The following ACSL4 variants were observed in gnomAD, a reference collection of about 807,000 sequenced individuals.
The protein encoded by ACSL4 is acyl-CoA synthetase long chain family member 4, also known as long-chain-fatty-acid--CoA ligase 4.
ACSL4 carries 9 observed loss-of-function variants against 49.1 expected under a neutral mutation model. That is an observed-to-expected ratio of 0.18 (90% confidence interval 0.11 to 0.32). The LOEUF (loss-of-function observed/expected upper bound fraction) is 0.32, where lower values mean the gene tolerates loss of function less well. ACSL4 is among the 10% of genes least tolerant of loss of function. ACSL4 has a pLI of 1.00. For synonymous variants in ACSL4, 191 were observed against 170.3 expected (o/e 1.12, Z -0.95); for missense variants, 333 against 493.7 (o/e 0.67, Z 3.08).
chrX:109,696,407 T>C (rs1019253279), intron 1 of ACSL4, among the ~76,000 whole-genome samples: 1 of 112,247 alleles, frequency 8.9e-6, no homozygotes, highest in Admixed American at 9.4e-5. Context: ...TAAGTGACAG[T>C]AGTTGAAACT....
intron 15 of ACSL4, among the ~76,000 whole-genome samples, chrX:109,645,011 G>T (rs1292445753): frequency 8.9e-6 from 1 of 112,789 alleles, no homozygotes; most frequent in Non-Finnish European, 1.9e-5. Flanking sequence ...CACCTGGCTC[G>T]GAGGGTCCTA....
intron 1 of ACSL4, among the ~76,000 whole-genome samples, chrX:109,703,457 T>C (rs747201481): frequency 3.6e-5 from 4 of 111,604 alleles, no homozygotes; most frequent in Non-Finnish European, 7.5e-5. Context: ...GTCTAAAATT[T>C]ATTTTTTTTA....
At chrX:109,694,928 T>G (rs1354304752) in intron 2 of ACSL4, among the ~76,000 whole-genome samples, 1 of 111,888 alleles carries the variant, frequency 8.9e-6, no homozygotes, top group Admixed American at 9.4e-5. Flanking sequence ...ACTTAAAAAT[T>G]TATGAAGATC....
chrX:109,677,013 G>A (rs1335070546), intron 8 of ACSL4, among the ~76,000 whole-genome samples: 2 of 109,222 alleles, frequency 1.8e-5, no homozygotes, highest in Non-Finnish European at 3.8e-5. Context: ...AGGCTGGAGT[G>A]CAGTGGCGCG....
rs1361663448 is a variant in ACSL4 at position 109,730,353 on chromosome X, C to T, written c.-66+2786G>A. On this transcript the variant is annotated intron_variant, in intron 1 of 15. Coordinates refer to ENST00000672401, the MANE Select transcript of ACSL4 (RefSeq NM_001318510.2). ...GCTTTTATTTTTGCTAAAGGCTCAGCAATTGAAAGGATGGAGAAAAAGGTA... is the reference window on the plus strand; with the variant it reads ...GCTTTTATTTTTGCTAAAGGCTCAGTAATTGAAAGGATGGAGAAAAAGGTA... Among the ~76,000 whole-genome samples the T allele has an allele frequency of 6.2e-5, 7 of 112,121 alleles. No homozygotes were observed. The East Asian group carries it at 2.0e-3, about 31-fold the overall frequency.
intron 9 of ACSL4, among the ~76,000 whole-genome samples, chrX:109,674,022 G>A (rs1270551221): frequency 9.0e-6 from 1 of 111,423 alleles, no homozygotes; most frequent in Non-Finnish European, 1.9e-5. Flanking sequence ...CCTTGTATAC[G>A]ATTCTTCAGC....
intron 15 of ACSL4, among the ~76,000 whole-genome samples, chrX:109,650,331 G>A (rs1380061004): frequency 1.8e-5 from 2 of 109,796 alleles, no homozygotes; most frequent in Non-Finnish European, 3.8e-5. Context: ...TATACACCAG[G>A]GAATACTATG....
intron 15 of ACSL4, among the ~76,000 whole-genome samples, chrX:109,654,255 AT>A (rs1413605057): frequency 9.0e-6 from 1 of 110,968 alleles, no homozygotes; most frequent in African/African-American, 3.3e-5. Flanking sequence ...TTAAGTATAT[AT>A]ACCAAAATGT....
chrX:109,646,997 A>C (rs1041959976), intron 15 of ACSL4, among the ~76,000 whole-genome samples: 8 of 112,026 alleles, frequency 7.1e-5, no homozygotes, highest in South Asian at 3.8e-4. Flanking sequence ...TATGCACCTA[A>C]TACAGGAGCA....
At chrX:109,646,694 A>G (rs1355105747) in intron 15 of ACSL4, among the ~76,000 whole-genome samples, 3 of 110,825 alleles carry the variant, frequency 2.7e-5, no homozygotes, top group Admixed American at 9.6e-5. Flanking sequence ...ATGTAAATGG[A>G]CTAAATGCTC....
intron 1 of ACSL4, among the ~76,000 whole-genome samples, chrX:109,718,428 T>C (rs1927286604): frequency 8.9e-6 from 1 of 112,353 alleles, no homozygotes; most frequent in Non-Finnish European, 1.9e-5. Flanking sequence ...AATGAAACAC[T>C]GCAGACTTTT....
intron 10 of ACSL4, 152 bp from the exon 11 acceptor site, chrX:109,668,425 A>C: frequency 2.3e-6 from 1 of 426,256 alleles, no homozygotes. Context: ...GGCAACAACT[A>C]GTAACGCCTT....
At position 109,678,345 on chromosome X, in the gene ACSL4, G is replaced by A. The variant is rs1923898763; in HGVS notation, c.726C>T (p.Gly242=). The part of the protein sequence containing the change: ...AIVMYTSGST[G]RPKGVMMHHS... ...GATGCATCATCACTCCCTTAGGTCG[G>A]CCAGTAGAACCACTAGTATACATAA... is the stretch of plus-strand genomic sequence containing the variant. The change falls in exon 7 of 16, where the codon GGC becomes GGT. Residue 242 remains glycine (G), a synonymous_variant. Transcript: ENST00000672401. The A allele has an allele frequency of 1.7e-6, 2 of 1,209,883 alleles. No homozygotes were observed. The highest frequency in any genetic ancestry group is 1.7e-5 in the African/African-American group (1 of 57,152).
At chrX:109,673,716 G>A (rs1923455550) in intron 9 of ACSL4, among the ~76,000 whole-genome samples, 1 of 111,591 alleles carries the variant, frequency 9.0e-6, no homozygotes, top group South Asian at 3.7e-4. Context: ...AAAGATATTG[G>A]GGTAAGATTT....
chrX:109,668,896 TAA>T (rs1922915771), intron 10 of ACSL4, 136 bp downstream of exon 10: 2 of 492,660 alleles, frequency 4.1e-6, no homozygotes, highest in Non-Finnish European at 6.5e-6. Flanking sequence ...AGACTTAGAA[TAA>T]AAGAGAATTT....
intron 15 of ACSL4, among the ~76,000 whole-genome samples, chrX:109,658,587 A>G (rs1921892148): frequency 8.9e-6 from 1 of 112,164 alleles, no homozygotes; most frequent in Non-Finnish European, 1.9e-5. Context: ...CTGTACCGGT[A>G]ACACCAGACT....
At chrX:109,685,941 G>A (rs894562646) in intron 2 of ACSL4, among the ~76,000 whole-genome samples, 9 of 111,621 alleles carry the variant, frequency 8.1e-5, no homozygotes, top group African/African-American at 2.9e-4. Flanking sequence ...AACTAAAAAT[G>A]TCTGGCCTAG....
intron 1 of ACSL4, among the ~76,000 whole-genome samples, chrX:109,699,080 C>T (rs1925669501): frequency 8.9e-6 from 1 of 112,310 alleles, no homozygotes; most frequent in African/African-American, 3.2e-5. Context: ...ATTAAGAAAG[C>T]TTTTGGCCAG....
At chrX:109,656,534 G>A (rs1281033476) in intron 15 of ACSL4, among the ~76,000 whole-genome samples, 10 of 110,009 alleles carry the variant, frequency 9.1e-5, no homozygotes, top group Admixed American at 8.8e-4. Flanking sequence ...CCATAACATC[G>A]CAAATGAAAA....
Sources: allele counts gnomAD v4.1 joint callset (sites outside exome capture counted in the v4.1 genomes callset), GRCh38; gene constraint gnomAD v4.1.1; transcripts MANE v1.5; gene names NCBI Gene and HGNC (gene_info 2026-07-23, HGNC 2026-07-21).